The following PKD1L1 variants were observed in gnomAD, a reference collection of about 807,000 sequenced individuals.
PKD1L1 encodes polycystin 1 like 1, transient receptor potential channel interacting.
Under a neutral mutation model 323.4 loss-of-function variants are expected in PKD1L1, and 236 were observed. The observed-to-expected ratio is 0.73, with a 90% confidence interval of 0.66 to 0.81. PKD1L1 has a LOEUF of 0.81. PKD1L1 is among the 40% of genes least tolerant of loss of function. PKD1L1 has a pLI of 0.00. For missense variants in PKD1L1, 3,320 were observed against 3,508.0 expected (o/e 0.95, Z 1.35); for synonymous variants, 1,344 against 1,335.0 (o/e 1.01, Z -0.15).
intron 56 of PKD1L1, among the ~76,000 whole-genome samples, chr7:47,788,622 GTTTC>G (rs1445083247): frequency 4.2e-5 from 6 of 143,638 alleles, no homozygotes; most frequent in African/African-American, 7.8e-5. Context: ...TTGAGATGGA[GTTTC>G]TTTCTGTTGC....
rs529031799 is a variant in PKD1L1, at chr7:47,904,337, G to T, written c.1931+41C>A. The T allele has an allele frequency of 4.3e-6, 7 of 1,611,634 alleles. No individual in the cohort carries two copies. The South Asian group carries it at 6.6e-5, about 15-fold the overall frequency. ...GATGCCTTAAGACTCTGATTCCCGCGCTGTCTGTAGAGAGCACTCCGCCGC... is the reference window on the plus strand; with the variant it reads ...GATGCCTTAAGACTCTGATTCCCGCTCTGTCTGTAGAGAGCACTCCGCCGC... On this transcript the variant is annotated intron_variant, in intron 12 of 56. Coordinates refer to ENST00000289672, the MANE Select transcript of PKD1L1 (RefSeq NM_138295.5).
chr7:47,898,158 A>T lies in PKD1L1; in HGVS notation c.2101T>A (p.Phe701Ile). 1 of 1,614,170 alleles carries T rather than the reference A, an allele frequency of 6.2e-7. No individual in the cohort carries two copies. Among genetic ancestry groups the T allele is most frequent in the Admixed American group, 1.7e-5 (1 of 60,026 alleles). Reference sequence around the variant, plus strand: ...ATATCACAGAAGACTGCAGCTTCAAACGTCACTCCCAGCCTCACAGGCTGA... The same window carrying T: ...ATATCACAGAAGACTGCAGCTTCAATCGTCACTCCCAGCCTCACAGGCTGA... Reference protein sequence around the residue: ...RSQPVRLGVTFEAAVFCDISQ... With the variant: ...RSQPVRLGVTIEAAVFCDISQ... The change falls in exon 14 of 57, where the codon TTT becomes ATT. Residue 701 changes from phenylalanine (F) to isoleucine (I), a missense_variant. Physicochemically the swap from Phe to Ile is conservative, Grantham distance 21. Coordinates refer to ENST00000289672, the MANE Select transcript of PKD1L1 (RefSeq NM_138295.5).
At chr7:47,777,174 G>A (rs1016036911) in intron 56 of PKD1L1, among the ~76,000 whole-genome samples, 15 of 152,168 alleles carry the variant, frequency 9.9e-5, no homozygotes, top group South Asian at 2.1e-4. Context: ...TTACAGGCGC[G>A]AGCCACCACA....
chr7:47,869,957 T>C (rs1786245220), intron 24 of PKD1L1, among the ~76,000 whole-genome samples: 1 of 152,026 alleles, frequency 6.6e-6, no homozygotes, highest in Non-Finnish European at 1.5e-5. Flanking sequence ...TACAAATATG[T>C]AAAAAAGTAA....
At position 47,931,966 on chromosome 7, in the gene PKD1L1, G is replaced by A. The variant is rs146255975; in HGVS notation, c.489C>T (p.Thr163=). Residue 163 remains threonine (T), a synonymous_variant, in exon 5 of 57, where the codon ACC becomes ACT. Coordinates refer to ENST00000289672, the MANE Select transcript of PKD1L1 (RefSeq NM_138295.5). The stretch of plus-strand genomic sequence containing the variant: ...GAAGAGCAGAGAATGTGCTGTCTGC[G>A]GTCCCAGTAGCACACAGCCGCCTGT... The part of the protein sequence containing the change: ...FHHRRLCATG[T]ADSTFSALLQ... 5.6e-6 allele frequency: 9 copies of A among 1,613,808 alleles called. No homozygotes were observed. The highest frequency in any genetic ancestry group is 1.7e-4 in the Middle Eastern group (1 of 6,060).
At chr7:47,948,504 A>AT, upstream of PKD1L1, 1 of 1,524,030 alleles carries the variant, frequency 6.6e-7, no homozygotes, top group Admixed American at 1.7e-5. Flanking sequence ...CATCCTCTGG[A>AT]AGACAAAGAA....
intron 28 of PKD1L1, among the ~76,000 whole-genome samples, chr7:47,856,937 T>C (rs1319705638): frequency 6.6e-6 from 1 of 152,224 alleles, no homozygotes; most frequent in East Asian, 1.9e-4. Flanking sequence ...CCTTGCTCTC[T>C]GCCCTTCCAA....
chr7:47,922,304 C>T (rs1425902909), intron 7 of PKD1L1, among the ~76,000 whole-genome samples: 1 of 152,214 alleles, frequency 6.6e-6, no homozygotes, highest in Non-Finnish European at 1.5e-5. Flanking sequence ...TCCCAAAGTG[C>T]CGAGATTGCA....
intron 34 of PKD1L1, among the ~76,000 whole-genome samples, chr7:47,841,626 T>C (rs999928280): frequency 4.6e-5 from 7 of 152,212 alleles, no homozygotes; most frequent in African/African-American, 1.7e-4. Flanking sequence ...TTATTATTAA[T>C]GTTATAGATT....
In PKD1L1 at chr7:47,877,530, C is replaced by T. The variant is rs1342547538; in HGVS notation, c.3622G>A (p.Ala1208Thr). ...CAGAAGACACTGAAGACGGTGTGTG[C>T]TTCCAGACCATGGTGGGGCTGCACC... ...CQVQPHHGLE[A>T]HTVFSVFCMS... The change falls in exon 22 of 57, where the codon GCA (alanine) becomes ACA (threonine). Residue 1208 changes from alanine (A) to threonine (T), a missense_variant. Coordinates refer to ENST00000289672, the MANE Select transcript of PKD1L1 (RefSeq NM_138295.5). The T allele has an allele frequency of 2.5e-6, 4 of 1,613,902 alleles. No homozygotes were observed. Among genetic ancestry groups the T allele is most frequent in the African/African-American group, 2.7e-5 (2 of 74,906 alleles).
intron 49 of PKD1L1, among the ~76,000 whole-genome samples, 198 bp downstream of exon 49, chr7:47,812,923 G>A (rs867967135): frequency 3.3e-5 from 5 of 152,344 alleles, no homozygotes; most frequent in African/African-American, 7.2e-5. Flanking sequence ...GCTCTCCCAC[G>A]TGGAGGCCTG....
At position 47,868,094 on chromosome 7, in the gene PKD1L1, G is replaced by A. The variant is rs184864928; in HGVS notation, c.3897-1480C>T. Among the ~76,000 whole-genome samples, 7 of 152,334 alleles carry A rather than the reference G, an allele frequency of 4.6e-5. No individual in the cohort carries two copies. The East Asian group carries it at 1.2e-3, about 25-fold the overall frequency. Reference sequence around the variant, plus strand: ...TGTAACAAGAACACAAAGTCTAGGCGTGGTGGCTCATGCCTGTAATCCCAG... The same window carrying A: ...TGTAACAAGAACACAAAGTCTAGGCATGGTGGCTCATGCCTGTAATCCCAG... On this transcript the variant is annotated intron_variant, in intron 24 of 56. Coordinates refer to ENST00000289672, the MANE Select transcript of PKD1L1 (RefSeq NM_138295.5).
At chr7:47,949,194 C>G (rs940338566), upstream of PKD1L1, among the ~76,000 whole-genome samples, 1 of 151,896 alleles carries the variant, frequency 6.6e-6, no homozygotes, top group East Asian at 1.9e-4. Flanking sequence ...CATAGTGAAA[C>G]CCCGTCTCTA....
upstream of PKD1L1, among the ~76,000 whole-genome samples, chr7:47,952,555 G>A (rs901011636): frequency 2.0e-5 from 3 of 152,168 alleles, no homozygotes; most frequent in Admixed American, 2.0e-4. Flanking sequence ...GAAGAGCTCT[G>A]GGGCCTTAGC....
intron 45 of PKD1L1, among the ~76,000 whole-genome samples, chr7:47,822,557 T>G (rs1398108781): frequency 1.6e-5 from 2 of 126,718 alleles, no homozygotes; most frequent in Non-Finnish European, 3.1e-5. Context: ...ATCGCGCCAT[T>G]GCGCTCCAGC....
chr7:47,881,697 C>A (rs1370466930), intron 20 of PKD1L1, among the ~76,000 whole-genome samples: 3 of 152,216 alleles, frequency 2.0e-5, no homozygotes, highest in African/African-American at 7.2e-5. Flanking sequence ...TTGGTCTACA[C>A]ACATGGATCT....
rs78087239 is a variant in PKD1L1 at position 47,847,351 on chromosome 7, C to G, written c.4961-280G>C. Among the ~76,000 whole-genome samples, 268 of 152,212 alleles carry G rather than the reference C, an allele frequency of 1.8e-3. 5 individuals are homozygous for G. In the East Asian group the frequency reaches 0.039, roughly 22 times the overall value. On this transcript the variant is annotated intron_variant, in intron 31 of 56. Transcript: ENST00000289672. ...TCTAGCATCCCGTATGTTCCAAGTG[C>G]CCCCTGACACCCTGAACAGGCCACA...
At chr7:47,841,685 T>C (rs1479521729) in intron 34 of PKD1L1, among the ~76,000 whole-genome samples, 1 of 152,194 alleles carries the variant, frequency 6.6e-6, no homozygotes, top group Non-Finnish European at 1.5e-5. Context: ...TCCATGAACA[T>C]AGCTCTTTAT....
chr7:47,955,637 C>G, the PKD1L1 span, among the ~76,000 whole-genome samples: 1 of 152,168 alleles, frequency 6.6e-6, no homozygotes, highest in Non-Finnish European at 1.5e-5. Context: ...AACCAATCCC[C>G]AATTAATTCA....
Sources: gnomAD v4.1 joint callset for allele counts (sites outside exome capture counted in the v4.1 genomes callset) on GRCh38, gnomAD v4.1.1 for gene constraint, MANE v1.5 for transcripts, NCBI Gene and HGNC (gene_info 2026-07-23, HGNC 2026-07-21) for gene names.